KIRREL3: variants seen among roughly 807,000 people sequenced by gnomAD.
KIRREL3 encodes kirre like nephrin family adhesion molecule 3, also known as kin of IRRE-like protein 3.
Under a neutral mutation model 89.7 loss-of-function variants are expected in KIRREL3, and 36 were observed. The observed-to-expected ratio is 0.40, with a 90% CI of 0.31 to 0.53. KIRREL3 has a LOEUF of 0.53. KIRREL3 is among the 20% of genes least tolerant of loss of function. The pLI, the probability that KIRREL3 is intolerant of heterozygous loss-of-function variation, is 0.49. For missense variants in KIRREL3, 864 were observed against 1,056.6 expected, an observed-to-expected ratio of 0.82 and a Z score of 2.53; for synonymous variants, 445 against 441.4, an observed-to-expected ratio of 1.01 and a Z score of -0.10.
In KIRREL3 at chr11:126,477,477, G is replaced by C. The variant is rs1019699687; in HGVS notation, c.434-4011C>G. ...AAATTGAGGCCAGAGAGCACAAGAG[G>C]CTGACCCAAAGTTACCAGTGACGAG... On this transcript the variant is annotated intron_variant, in intron 4 of 16. Transcript: ENST00000525144. The surrounding 1 kb of genome is among the most constrained non-coding windows in gnomAD (Gnocchi z 4.8). Among the ~76,000 whole-genome samples the C allele has an allele frequency of 6.6e-6, 1 of 152,214 alleles. No homozygotes were observed. The highest frequency in any genetic ancestry group is 1.5e-5 in the Non-Finnish European group (1 of 68,042).
At position 126,844,032 on chromosome 11, in the gene KIRREL3, C is replaced by T. The variant is rs543030503; in HGVS notation, c.55+156423G>A. On this transcript the variant is annotated intron_variant, in intron 1 of 16. Coordinates refer to ENST00000525144, the MANE Select transcript of KIRREL3 (RefSeq NM_032531.4). This position sits in a 1 kb window ranked among gnomAD's most constrained non-coding sequence, Gnocchi z 4.8. ...TTCCTTTACTTTCTTAATAAACTTG[C>T]TTTCACTTTATGCTCTGGACTCGCC... Among the ~76,000 whole-genome samples the T allele has an allele frequency of 5.1e-4, 77 of 152,302 alleles. No individual in the cohort carries two copies. The highest frequency in any genetic ancestry group is 7.5e-4 in the Non-Finnish European group (51 of 68,026).
At chr11:126,961,574 G>A (rs993426829) in intron 1 of KIRREL3, among the ~76,000 whole-genome samples, 2 of 152,244 alleles carry the variant, frequency 1.3e-5, no homozygotes, top group South Asian at 2.1e-4. Flanking sequence ...GGCTCATGAG[G>A]TTTAAGGAAA....
chr11:126,850,933 T>C (rs544293514), intron 1 of KIRREL3, among the ~76,000 whole-genome samples: 1 of 152,250 alleles, frequency 6.6e-6, no homozygotes, highest in South Asian at 2.1e-4. Flanking sequence ...CAGGCCCAAG[T>C]CACACATACA....
At chr11:126,869,106 A>T (rs1048902542) in intron 1 of KIRREL3, among the ~76,000 whole-genome samples, 5 of 151,676 alleles carry the variant, frequency 3.3e-5, no homozygotes, top group African/African-American at 1.2e-4. Context: ...TTGTATCTAC[A>T]TAGAAAAAGC....
chr11:126,740,992 G>C lies in KIRREL3; in HGVS notation c.56-178080C>G, dbSNP rs1276585931. ...TGAGAATAGGAAAGTGGCAGAACAGGGAAAAGGTTCCACCACAAGGAGCTC... is the reference window on the plus strand; with the variant it reads ...TGAGAATAGGAAAGTGGCAGAACAGCGAAAAGGTTCCACCACAAGGAGCTC... On this transcript the variant is annotated intron_variant, in intron 1 of 16. Coordinates refer to ENST00000525144, the MANE Select transcript of KIRREL3 (RefSeq NM_032531.4). This position sits in a 1 kb window ranked among gnomAD's most constrained non-coding sequence, Gnocchi z 6.0. 6.6e-6 allele frequency among the ~76,000 whole-genome samples: 1 copy of C among 152,056 alleles called. No homozygotes were observed. Among genetic ancestry groups the C allele is most frequent in the Non-Finnish European group, 1.5e-5 (1 of 68,022 alleles).
intron 1 of KIRREL3, among the ~76,000 whole-genome samples, chr11:126,964,492 C>T (rs924821279): frequency 2.0e-5 from 3 of 152,130 alleles, no homozygotes; most frequent in African/African-American, 7.2e-5. Flanking sequence ...CCTAGAACCC[C>T]TCCTCCAAAG....
At chr11:126,481,287 C>T (rs1480488405) in intron 4 of KIRREL3, among the ~76,000 whole-genome samples, 1 of 152,190 alleles carries the variant, frequency 6.6e-6, no homozygotes, top group Non-Finnish European at 1.5e-5. Context: ...TTTCTTCCCA[C>T]CCCTTAAATG....
At chr11:126,800,419 G>A (rs1315706358) in intron 1 of KIRREL3, among the ~76,000 whole-genome samples, 1 of 152,154 alleles carries the variant, frequency 6.6e-6, no homozygotes, top group Non-Finnish European at 1.5e-5. Context: ...CTTGAAGACT[G>A]GAGGCTACAG....
rs1021687371 is a variant in KIRREL3 at position 126,423,595 on chromosome 11, C to T, written c.*985G>A. ...CGTGGAGCCTTACTGAAGACAGGAT[C>T]GCCGTTCTTGTGTTTATCAGCTGAG... On this transcript the variant is annotated 3_prime_UTR_variant, in exon 17 of 17. Coordinates refer to ENST00000525144, the MANE Select transcript of KIRREL3 (RefSeq NM_032531.4). 3.9e-5 allele frequency: 6 copies of T among 152,104 alleles called. No individual in the cohort carries two copies. The highest frequency in any genetic ancestry group is 9.7e-5 in the African/African-American group (4 of 41,406). 9.4% of individuals were successfully genotyped at this position (152,104 alleles called of 1,614,324 possible).
rs1018356530 is a variant in KIRREL3, at chr11:126,682,704, C to T, written c.56-119792G>A. 5.9e-5 allele frequency among the ~76,000 whole-genome samples: 9 copies of T among 152,122 alleles called. No homozygotes were observed. In the East Asian group the frequency reaches 1.4e-3, roughly 23 times the overall value. On this transcript the variant is annotated intron_variant, in intron 1 of 16. Transcript: ENST00000525144. This position sits in a 1 kb window ranked among gnomAD's most constrained non-coding sequence, Gnocchi z 4.8. ...AGAGACACAGCACACAGCCTAGATC[C>T]ATCACATGCGCAGTTCACAACAGGG...
At chr11:126,992,829 A>G (rs752837345) in intron 1 of KIRREL3, among the ~76,000 whole-genome samples, 4 of 152,050 alleles carry the variant, frequency 2.6e-5, no homozygotes, top group Non-Finnish European at 4.4e-5. Context: ...GGCAAATCTC[A>G]TTCCTCAATG....
At chr11:126,826,666 C>T (rs1943425039) in intron 1 of KIRREL3, among the ~76,000 whole-genome samples, 2 of 152,288 alleles carry the variant, frequency 1.3e-5, no homozygotes, top group South Asian at 2.1e-4. Flanking sequence ...CACACAGAAG[C>T]TGGCTCTCCT....
At chr11:126,901,447 G>A (rs772508846) in intron 1 of KIRREL3, among the ~76,000 whole-genome samples, 21 of 152,168 alleles carry the variant, frequency 1.4e-4, no homozygotes, top group Non-Finnish European at 2.6e-4. Context: ...AAAATCTGCA[G>A]AGTCTCAGCA....
chr11:126,431,028 A>C lies in KIRREL3; in HGVS notation c.1696+391T>G. On this transcript the variant is annotated intron_variant, in intron 14 of 16. Coordinates refer to ENST00000525144, the MANE Select transcript of KIRREL3 (RefSeq NM_032531.4). This position sits in a 1 kb window ranked among gnomAD's most constrained non-coding sequence, Gnocchi z 7.1. Reference sequence around the variant, plus strand: ...GACCTGCTTTTCTGGTGAGACTAGCAGCTCTTTATTTTTATTTTGTTGTAG... The same window carrying C: ...GACCTGCTTTTCTGGTGAGACTAGCCGCTCTTTATTTTTATTTTGTTGTAG... The C allele has an allele frequency of 8.4e-7, 1 of 1,193,432 alleles. No homozygotes were observed. Among genetic ancestry groups the C allele is most frequent in the Non-Finnish European group, 1.0e-6 (1 of 962,372 alleles). 73.9% of individuals were successfully genotyped at this position (1,193,432 alleles called of 1,614,324 possible). A position where few individuals can be genotyped will look rare whatever the true frequency, so the allele number is the denominator to read the frequency against.
Position 126,562,682 on chromosome 11 carries a change from T to C in KIRREL3, c.133+153A>G, listed in dbSNP as rs2134586617. ...TTCACTATGCTTCCCCATGTGATTG[T>C]ACAAATGGCTTCATGGAAACCAAAC... On this transcript the variant is annotated intron_variant, in intron 2 of 16. Transcript: ENST00000525144. The surrounding 1 kb of genome is among the most constrained non-coding windows in gnomAD (Gnocchi z 4.7). Among the ~76,000 whole-genome samples, 1 of 152,308 alleles carries C rather than the reference T, an allele frequency of 6.6e-6. No individual in the cohort carries two copies. The highest frequency in any genetic ancestry group is 1.9e-4 in the East Asian group (1 of 5,184).
chr11:126,997,202 A>G lies in KIRREL3; in HGVS notation c.55+3253T>C, dbSNP rs1309192697. On this transcript the variant is annotated intron_variant, in intron 1 of 16. Transcript: ENST00000525144. This position sits in a 1 kb window ranked among gnomAD's most constrained non-coding sequence, Gnocchi z 4.3. ...GGGTGAACTGAAATGATAAAGAGGA[A>G]AAAATATAGCAAGTTCTAAGTTTAT... Among the ~76,000 whole-genome samples, 1 of 152,222 alleles carries G rather than the reference A, an allele frequency of 6.6e-6. No homozygotes were observed. The highest frequency in any genetic ancestry group is 1.5e-5 in the Non-Finnish European group (1 of 68,028).
chr11:126,840,965 CTAACATCTATA>C (rs1943945903), intron 1 of KIRREL3, among the ~76,000 whole-genome samples: 1 of 152,224 alleles, frequency 6.6e-6, no homozygotes, highest in South Asian at 2.1e-4. Context: ...ACTCAGGTTG[CTAACATCTATA>C]GTAAGAATGA....
chr11:126,875,362 T>C (rs1032626571), intron 1 of KIRREL3, among the ~76,000 whole-genome samples: 3 of 152,140 alleles, frequency 2.0e-5, no homozygotes, highest in African/African-American at 7.2e-5. Flanking sequence ...GTGTCACAAG[T>C]GAAGGATAAC....
intron 1 of KIRREL3, among the ~76,000 whole-genome samples, chr11:126,756,372 G>T (rs889868797): frequency 1.2e-4 from 18 of 152,320 alleles, no homozygotes; most frequent in African/African-American, 4.1e-4. Flanking sequence ...GTGTTGTATT[G>T]AATGTCATCT....
Sources: gnomAD v4.1 joint callset for allele counts (sites outside exome capture counted in the v4.1 genomes callset) on GRCh38, gnomAD v4.1.1 for gene constraint, Gnocchi (gnomAD v3.1) non-coding constraint, MANE v1.5 for transcripts, NCBI Gene and HGNC (gene_info 2026-07-23, HGNC 2026-07-21) for gene names.